TBX20: variants seen among roughly 807,000 people sequenced by gnomAD.
The protein encoded by TBX20 is T-box transcription factor 20.
TBX20 carries 8 observed loss-of-function variants against 42.9 expected under a neutral mutation model. That is an observed-to-expected ratio of 0.19 (90% confidence interval 0.11 to 0.34). TBX20 has a LOEUF of 0.34. Ranked by LOEUF, TBX20 falls within the 10% of genes least tolerant of loss-of-function variation. The pLI is 1.00. For synonymous variants in TBX20, 198 were observed against 222.8 expected (o/e 0.89, Z 0.99); for missense variants, 411 against 566.0 (o/e 0.73, Z 2.78).
At chr7:35,228,534 T>C (rs571981305) in intron 6 of TBX20, among the ~76,000 whole-genome samples, 71 of 152,124 alleles carry the variant, frequency 4.7e-4, no homozygotes, top group Non-Finnish European at 8.4e-4. Flanking sequence ...CAAACTCTTT[T>C]AGTAAAAAGA....
At chr7:35,228,105 AAC>A (rs1021462191) in intron 6 of TBX20, among the ~76,000 whole-genome samples, 11 of 150,852 alleles carry the variant, frequency 7.3e-5, no homozygotes, top group South Asian at 4.2e-4. Context: ...TAAAAAAAAA[AAC>A]ATCCTTTGAC....
intron 1 of TBX20, 38 bp from the exon 2 acceptor site, chr7:35,250,241 G>T (rs1437549216): frequency 6.2e-7 from 1 of 1,608,410 alleles, no homozygotes; most frequent in Non-Finnish European, 8.5e-7. Flanking sequence ...AGCTGACACT[G>T]TTCAACAAGG....
At chr7:35,241,625 A>C (rs1180837357) in intron 4 of TBX20, among the ~76,000 whole-genome samples, 1 of 152,194 alleles carries the variant, frequency 6.6e-6, no homozygotes, top group Non-Finnish European at 1.5e-5. Flanking sequence ...AGGAAACAGG[A>C]AGTGCTCAGT....
In TBX20 at chr7:35,250,199, T is replaced by C; in HGVS notation, c.132A>G (p.Gln44=). The C allele has an allele frequency of 6.2e-7, 1 of 1,613,948 alleles. No individual in the cohort carries two copies. The highest frequency in any genetic ancestry group is 8.5e-7 in the Non-Finnish European group (1 of 1,179,992). ...ATENTIKPLE[Q]FVEKSSCAQP... is the part of the protein sequence containing the mutation. Reference sequence around the variant, plus strand: ...GGGCACAGGACGACTTCTCCACAAATTGCTCTGGAGGTAAAGAGAATTGTG... The same window carrying C: ...GGGCACAGGACGACTTCTCCACAAACTGCTCTGGAGGTAAAGAGAATTGTG... The change falls in exon 2 of 8, where the codon CAA becomes CAG. Residue 44 remains glutamine (Q), a synonymous_variant. Coordinates refer to ENST00000408931, the MANE Select transcript of TBX20 (RefSeq NM_001077653.2).
At chr7:35,235,502 T>C (rs1414458736) in intron 5 of TBX20, among the ~76,000 whole-genome samples, 1 of 152,216 alleles carries the variant, frequency 6.6e-6, no homozygotes, top group African/African-American at 2.4e-5. Flanking sequence ...AAACCAGAGA[T>C]ATGGCTTCTT....
At chr7:35,231,913 C>T (rs1789874016) in intron 5 of TBX20, among the ~76,000 whole-genome samples, 1 of 152,130 alleles carries the variant, frequency 6.6e-6, no homozygotes, top group Non-Finnish European at 1.5e-5. Flanking sequence ...TAGGGCTGAA[C>T]AGAGGAATGG....
At chr7:35,245,184 T>A (rs1247786388) in intron 3 of TBX20, 127 bp from the exon 4 acceptor site, 7 of 669,088 alleles carry the variant, frequency 1.0e-5, no homozygotes, top group Non-Finnish European at 1.9e-5. Context: ...TTGCCCTATA[T>A]ACCTCAAATT....
chr7:35,253,462 T>C, intron 1 of TBX20, 32 bp downstream of exon 1: 1 of 1,598,288 alleles, frequency 6.3e-7, no homozygotes, highest in Admixed American at 1.7e-5. Context: ...GCATCCCCAG[T>C]CCTCGGCGGA....
chr7:35,230,138 T>C (rs549383862), intron 6 of TBX20, among the ~76,000 whole-genome samples: 4 of 152,308 alleles, frequency 2.6e-5, no homozygotes, highest in Non-Finnish European at 5.9e-5. Flanking sequence ...AGTTCACTTA[T>C]AACAATCCCA....
At chr7:35,223,051 G>A (rs1040185309) in intron 6 of TBX20, among the ~76,000 whole-genome samples, 4 of 152,224 alleles carry the variant, frequency 2.6e-5, no homozygotes, top group African/African-American at 4.8e-5. Flanking sequence ...AGGTAAGAGT[G>A]GTAGCAGTGA....
At chr7:35,221,295 CA>C (rs1233218764) in intron 6 of TBX20, among the ~76,000 whole-genome samples, 9,829 of 77,704 alleles carry the variant, frequency 0.13, 508 homozygotes, top group Admixed American at 0.26. Flanking sequence ...TTCGGTCTGG[CA>C]AAAAAAAAAA....
intron 4 of TBX20, among the ~76,000 whole-genome samples, chr7:35,241,732 T>C (rs1374296181): frequency 2.0e-5 from 3 of 152,206 alleles, no homozygotes; most frequent in Non-Finnish European, 4.4e-5. Context: ...TGAATCATGA[T>C]AGCCATCTTC....
intron 6 of TBX20, among the ~76,000 whole-genome samples, chr7:35,224,171 A>T (rs1313451526): frequency 1.3e-5 from 2 of 152,342 alleles, no homozygotes; most frequent in Admixed American, 1.3e-4. Context: ...ATCTTCAGGT[A>T]AATGATCATT....
chr7:35,239,915 C>G (rs1280892083), intron 5 of TBX20, among the ~76,000 whole-genome samples: 1 of 151,974 alleles, frequency 6.6e-6, no homozygotes, highest in Non-Finnish European at 1.5e-5. Flanking sequence ...CCAGGCCCAG[C>G]TAATTTTTGT....
At chr7:35,239,008 C>A (rs1474955701) in intron 5 of TBX20, among the ~76,000 whole-genome samples, 3 of 152,092 alleles carry the variant, frequency 2.0e-5, no homozygotes, top group African/African-American at 7.2e-5. Context: ...AACAAGCCTA[C>A]ACACACAACT....
At chr7:35,216,440 A>G (rs1584343776) in intron 6 of TBX20, among the ~76,000 whole-genome samples, 1 of 152,366 alleles carries the variant, frequency 6.6e-6, no homozygotes, top group East Asian at 1.9e-4. Flanking sequence ...CCCTTTTCTC[A>G]TCTGTAAAAT....
At chr7:35,219,354 TAAC>T (rs1428144135) in intron 6 of TBX20, among the ~76,000 whole-genome samples, 1 of 141,628 alleles carries the variant, frequency 7.1e-6, no homozygotes, top group Non-Finnish European at 1.5e-5. Context: ...ATACAATACT[TAAC>T]AACAACAAAA....
At chr7:35,206,360 C>A (rs958245304) in intron 6 of TBX20, among the ~76,000 whole-genome samples, 16 of 152,174 alleles carry the variant, frequency 1.1e-4, no homozygotes, top group African/African-American at 3.9e-4. Context: ...CAAGCCTGGC[C>A]AACATGGCAA....
rs551927337 is a variant in TBX20 at position 35,216,476 on chromosome 7, T to TA, written c.891-11895dup. Among the ~76,000 whole-genome samples, 12 of 152,398 alleles carry TA rather than the reference T, an allele frequency of 7.9e-5. No homozygotes were observed. The South Asian group carries it at 2.5e-3, about 32-fold the overall frequency. On this transcript the variant is annotated intron_variant, in intron 6 of 7. Coordinates refer to ENST00000408931, the MANE Select transcript of TBX20 (RefSeq NM_001077653.2). ...AAGGATATCAATATGATAAAGCTCT[T>TA]AGAGTTATTAAGATTAAGTGAATTA... is the stretch of plus-strand genomic sequence containing the variant.
Sources: gnomAD v4.1 joint callset for allele counts (sites outside exome capture counted in the v4.1 genomes callset) on GRCh38, gnomAD v4.1.1 for gene constraint, MANE v1.5 for transcripts, NCBI Gene and HGNC (gene_info 2026-07-23, HGNC 2026-07-21) for gene names.